The following TRPC5 variants were observed in gnomAD, a reference collection of about 807,000 sequenced individuals.
TRPC5 encodes the protein short transient receptor potential channel 5.
A neutral mutation model predicts 56.5 loss-of-function variants in TRPC5; 9 were observed. The ratio of observed to expected loss-of-function variants is 0.16; its 90% confidence interval spans 0.10 to 0.28. The LOEUF is 0.28. Among genes scored for constraint, TRPC5 ranks in the 10% least tolerant of loss-of-function variants. TRPC5 has a pLI of 1.00. For missense variants in TRPC5, 469 were observed against 748.9 expected (o/e 0.63, Z 4.36); for synonymous variants, 282 against 278.5 (o/e 1.01, Z -0.13).
chrX:111,977,570 G>A (rs1042944292), intron 1 of TRPC5, among the ~76,000 whole-genome samples: 6 of 111,507 alleles, frequency 5.4e-5, no homozygotes, highest in Non-Finnish European at 1.1e-4. Context: ...TAATTTTTAG[G>A]ATGTAACTCC....
At chrX:112,009,257 C>T (rs1337866676) in intron 1 of TRPC5, among the ~76,000 whole-genome samples, 2 of 111,361 alleles carry the variant, frequency 1.8e-5, no homozygotes, top group East Asian at 5.6e-4. Flanking sequence ...GGGGCCAAAC[C>T]GGGAAGGAGT....
chrX:111,978,839 C>T (rs1344622785), intron 1 of TRPC5, among the ~76,000 whole-genome samples: 1 of 111,067 alleles, frequency 9.0e-6, no homozygotes, highest in African/African-American at 3.3e-5. Context: ...TATAACAAAA[C>T]ATCAAGTCAT....
At chrX:111,941,744 C>A (rs925976011) in intron 2 of TRPC5, among the ~76,000 whole-genome samples, 2 of 111,723 alleles carry the variant, frequency 1.8e-5, no homozygotes, top group African/African-American at 3.3e-5. Flanking sequence ...TGGCTACTGG[C>A]CCCCAGAGCA....
intron 2 of TRPC5, among the ~76,000 whole-genome samples, chrX:111,931,424 G>A (rs1053939774): frequency 8.9e-6 from 1 of 112,155 alleles, no homozygotes; most frequent in Non-Finnish European, 1.9e-5. Context: ...TCTTATATTT[G>A]GAGTTAAGAA....
chrX:111,777,821 C>G lies in TRPC5; in HGVS notation c.2233-819G>C, dbSNP rs943587361. ...CTTTCAAGCCTCAGCTTAAGCATCA[C>G]TTCCATTGGAAAGTCTGTCTTGACT... On this transcript the variant is annotated intron_variant, in intron 10 of 10. Coordinates refer to ENST00000262839, the MANE Select transcript of TRPC5 (RefSeq NM_012471.3). 4.4e-5 allele frequency among the ~76,000 whole-genome samples: 5 copies of G among 112,833 alleles called. No homozygotes were observed. In the Admixed American group the frequency reaches 4.7e-4, roughly 11 times the overall value.
chrX:111,965,150 A>G (rs751101175), intron 1 of TRPC5, among the ~76,000 whole-genome samples: 10,306 of 110,718 alleles, frequency 0.093, 895 homozygotes, highest in African/African-American at 0.27. Context: ...CAAATGAAAA[A>G]CAAAAAAAGG....
At chrX:111,808,510 G>A (rs1921597427) in intron 7 of TRPC5, among the ~76,000 whole-genome samples, 1 of 110,990 alleles carries the variant, frequency 9.0e-6, no homozygotes, top group Admixed American at 9.6e-5. Flanking sequence ...TGCAATGAAT[G>A]CTGCCAGTCC....
chrX:111,802,428 A>G (rs1308127734), intron 7 of TRPC5, among the ~76,000 whole-genome samples: 3 of 111,784 alleles, frequency 2.7e-5, no homozygotes, highest in African/African-American at 6.5e-5. Context: ...TATATTTAAA[A>G]GTATAATTCT....
At chrX:112,005,022 C>T (rs1028647850) in intron 1 of TRPC5, among the ~76,000 whole-genome samples, 1 of 111,565 alleles carries the variant, frequency 9.0e-6, no homozygotes, top group African/African-American at 3.3e-5. Flanking sequence ...GTCAATGTTA[C>T]CAGCTTCATG....
chrX:111,937,421 T>C (rs1434772336), intron 2 of TRPC5, among the ~76,000 whole-genome samples: 33 of 103,608 alleles, frequency 3.2e-4, no homozygotes, highest in Non-Finnish European at 4.1e-4. Flanking sequence ...TCCTTGCCCA[T>C]GCCTATGTCC....
intron 1 of TRPC5, among the ~76,000 whole-genome samples, chrX:111,967,954 A>G (rs1272664107): frequency 9.0e-6 from 1 of 110,807 alleles, no homozygotes; most frequent in Non-Finnish European, 1.9e-5. Flanking sequence ...AATGGCAACC[A>G]AAGCCAAAAT....
intron 7 of TRPC5, among the ~76,000 whole-genome samples, chrX:111,806,156 A>C (rs1282672781): frequency 8.9e-6 from 1 of 112,108 alleles, no homozygotes; most frequent in Admixed American, 9.5e-5. Context: ...GTAAAAGAGT[A>C]ATTTGTATAT....
In TRPC5 at chrX:111,824,796, C is replaced by T. The variant is rs772672742; in HGVS notation, c.1896+10125G>A. 4.5e-5 allele frequency among the ~76,000 whole-genome samples: 5 copies of T among 112,115 alleles called. No homozygotes were observed. In the South Asian group the frequency reaches 1.5e-3, roughly 34 times the overall value. ...CATTGTTGGGGCAGGGGGGACTTCA[C>T]TGCCTGTTGAAAAGATAGTTTCCTG... On this transcript the variant is annotated intron_variant, in intron 7 of 10. Transcript: ENST00000262839.
At chrX:112,000,558 C>T (rs1009814085) in intron 1 of TRPC5, among the ~76,000 whole-genome samples, 1 of 111,288 alleles carries the variant, frequency 9.0e-6, no homozygotes, top group Non-Finnish European at 1.9e-5. Context: ...CTAGGAGAGC[C>T]TGGGCATGTC....
chrX:111,895,383 T>G (rs1925016401), intron 3 of TRPC5, among the ~76,000 whole-genome samples: 1 of 112,189 alleles, frequency 8.9e-6, no homozygotes, highest in Non-Finnish European at 1.9e-5. Context: ...AGATTGATTA[T>G]GTTTTTCGTA....
At chrX:111,901,074 C>T (rs1925320318) in intron 3 of TRPC5, among the ~76,000 whole-genome samples, 1 of 111,316 alleles carries the variant, frequency 9.0e-6, no homozygotes, top group Admixed American at 9.6e-5. Context: ...AGTTTTATAA[C>T]TGAAATTCTC....
Position 112,063,081 on chromosome X carries a change from C to T in TRPC5, c.-22+18798G>A, listed in dbSNP as rs143573202. On this transcript the variant is annotated intron_variant, in intron 1 of 10. Coordinates refer to ENST00000262839, the MANE Select transcript of TRPC5 (RefSeq NM_012471.3). ...CCATGAGACTGAGGAATAGTGGTGG[C>T]ATTACCACAGATGTCTTTTATTTCT... Among the ~76,000 whole-genome samples the T allele has an allele frequency of 4.5e-3, 501 of 111,903 alleles. 4 individuals are homozygous for T. The highest frequency in any genetic ancestry group is 0.016 in the African/African-American group (481 of 30,812).
chrX:111,893,394 T>C (rs1200687818), intron 3 of TRPC5, among the ~76,000 whole-genome samples: 1 of 111,968 alleles, frequency 8.9e-6, no homozygotes, highest in Non-Finnish European at 1.9e-5. Context: ...AGGACAAGCC[T>C]GTGTAGGGTC....
intron 7 of TRPC5, among the ~76,000 whole-genome samples, chrX:111,822,217 A>C (rs1922055310): frequency 9.0e-6 from 1 of 111,076 alleles, no homozygotes; most frequent in Non-Finnish European, 1.9e-5. Context: ...CCTCAGGCGC[A>C]TTTCCCTTAT....
Sources: allele counts gnomAD v4.1 joint callset (sites outside exome capture counted in the v4.1 genomes callset), GRCh38; gene constraint gnomAD v4.1.1; transcripts MANE v1.5; gene names NCBI Gene and HGNC (gene_info 2026-07-23, HGNC 2026-07-21).